Variants in SAMD4A observed in about 807,000 individuals in gnomAD.
SAMD4A encodes the protein sterile alpha motif domain containing 4A.
SAMD4A carries 33 observed loss-of-function variants against 81.3 expected under a neutral mutation model. The ratio of observed to expected loss-of-function variants is 0.41; its 90% confidence interval spans 0.31 to 0.54. The LOEUF (loss-of-function observed/expected upper bound fraction) is 0.54, where lower values mean the gene tolerates loss of function less well. Among genes scored for constraint, SAMD4A ranks in the 20% least tolerant of loss-of-function variants. The pLI, the probability that SAMD4A is intolerant of heterozygous loss-of-function variation, is 0.37. For missense variants in SAMD4A, 854 were observed against 951.1 expected (o/e 0.90, Z 1.34); for synonymous variants, 389 against 382.1 (o/e 1.02, Z -0.21).
At chr14:54,682,023 G>T in intron 2 of SAMD4A, 1 of 985,312 alleles carries the variant, frequency 1.0e-6, no homozygotes, top group Non-Finnish European at 1.2e-6. Flanking sequence ...GCCTTACAGA[G>T]TGTTAAGGAT....
At chr14:54,619,649 C>A (rs914328713) in intron 2 of SAMD4A, among the ~76,000 whole-genome samples, 1 of 152,140 alleles carries the variant, frequency 6.6e-6, no homozygotes, top group African/African-American at 2.4e-5. Flanking sequence ...CCCACCCTCT[C>A]CACTCTGATA....
At chr14:54,582,701 A>G (rs937205437) in intron 2 of SAMD4A, among the ~76,000 whole-genome samples, 12 of 152,310 alleles carry the variant, frequency 7.9e-5, no homozygotes, top group African/African-American at 2.9e-4. Flanking sequence ...AATGTAGTCT[A>G]TGTATTAGGG....
At chr14:54,629,251 C>T (rs771944647) in intron 2 of SAMD4A, among the ~76,000 whole-genome samples, 7 of 152,142 alleles carry the variant, frequency 4.6e-5, no homozygotes, top group South Asian at 2.1e-4. Flanking sequence ...GAAGAGGCAA[C>T]GACAGATTCT....
intron 2 of SAMD4A, among the ~76,000 whole-genome samples, chr14:54,595,506 A>G (rs900279286): frequency 2.0e-5 from 3 of 151,194 alleles, no homozygotes; most frequent in Non-Finnish European, 4.4e-5. Context: ...AAAAAAATCT[A>G]GTAAGGCAGA....
chr14:54,775,573 G>A (rs2038821868), intron 10 of SAMD4A, among the ~76,000 whole-genome samples: 1 of 152,096 alleles, frequency 6.6e-6, no homozygotes, highest in African/African-American at 2.4e-5. Flanking sequence ...TGTGCCAGGG[G>A]GAGAGTTAAC....
At chr14:54,767,279 A>G (rs967147599) in intron 8 of SAMD4A, among the ~76,000 whole-genome samples, 1 of 152,108 alleles carries the variant, frequency 6.6e-6, no homozygotes, top group African/African-American at 2.4e-5. Flanking sequence ...GAGAGACAGG[A>G]CGCCCCTTCA....
intron 2 of SAMD4A, among the ~76,000 whole-genome samples, chr14:54,631,186 T>TTTCTG (rs2034896739): frequency 6.6e-6 from 1 of 152,258 alleles, no homozygotes; most frequent in East Asian, 1.9e-4. Flanking sequence ...AGGATCAGCC[T>TTTCTG]TTCTGTTCTG....
At chr14:54,575,406 C>T (rs1240882332) in intron 2 of SAMD4A, among the ~76,000 whole-genome samples, 1 of 152,168 alleles carries the variant, frequency 6.6e-6, no homozygotes, top group Non-Finnish European at 1.5e-5. Context: ...ATCTTTTGCC[C>T]ACTGAACTTG....
At chr14:54,688,108 T>G (rs2036325390) in intron 2 of SAMD4A, 1 of 985,532 alleles carries the variant, frequency 1.0e-6, no homozygotes. Context: ...TAACACCTGG[T>G]TCAACTGTAA....
intron 3 of SAMD4A, among the ~76,000 whole-genome samples, chr14:54,721,046 G>A (rs776568016): frequency 3.3e-5 from 5 of 152,158 alleles, no homozygotes; most frequent in East Asian, 3.8e-4. Context: ...GTCCTCGTGA[G>A]TTTGTGCCTT....
intron 2 of SAMD4A, among the ~76,000 whole-genome samples, chr14:54,595,490 C>T (rs1304491880): frequency 3.3e-5 from 5 of 149,398 alleles, no homozygotes; most frequent in Non-Finnish European, 7.4e-5. Context: ...AATGATTAAA[C>T]GAACTAAAAA....
chr14:54,738,295 C>T (rs1327783305), intron 4 of SAMD4A, among the ~76,000 whole-genome samples: 6 of 152,190 alleles, frequency 3.9e-5, no homozygotes, highest in African/African-American at 1.4e-4. Flanking sequence ...AAGCCTGGCA[C>T]AGAAAGCATG....
intron 3 of SAMD4A, chr14:54,734,850 T>C (rs971491699): frequency 2.6e-5 from 4 of 152,234 alleles, no homozygotes; most frequent in African/African-American, 9.6e-5. Context: ...ACCTATTCAG[T>C]TATGGCCTCT....
chr14:54,622,127 C>T (rs74055506), intron 2 of SAMD4A, among the ~76,000 whole-genome samples: 4,384 of 152,148 alleles, frequency 0.029, 209 homozygotes, highest in African/African-American at 0.1. Flanking sequence ...GTAGGGACAC[C>T]AGGATAAGTC....
chr14:54,662,432 C>T (rs1185633988), intron 2 of SAMD4A, among the ~76,000 whole-genome samples: 3 of 145,204 alleles, frequency 2.1e-5, no homozygotes, highest in Admixed American at 7.0e-5. Context: ...TTTCCTGAGA[C>T]GGAGTCTTGC....
intron 2 of SAMD4A, among the ~76,000 whole-genome samples, chr14:54,597,296 T>C (rs758719915): frequency 6.6e-6 from 1 of 151,740 alleles, no homozygotes; most frequent in Non-Finnish European, 1.5e-5. Flanking sequence ...TTTTTTGAGA[T>C]GGAGTTTTGC....
chr14:54,612,012 G>A (rs1304210415), intron 2 of SAMD4A, among the ~76,000 whole-genome samples: 1 of 152,054 alleles, frequency 6.6e-6, no homozygotes, highest in Non-Finnish European at 1.5e-5. Flanking sequence ...CACCAGAGCC[G>A]CACAGTTATT....
upstream of SAMD4A, among the ~76,000 whole-genome samples, chr14:54,565,748 C>G (rs1248350295): frequency 6.6e-6 from 1 of 152,012 alleles, no homozygotes; most frequent in Admixed American, 6.5e-5. The surrounding 1 kb of genome is among the most constrained non-coding windows in gnomAD (Gnocchi z 5.4). Flanking sequence ...CCCTTTCTGC[C>G]GGGGCTCCAG....
chr14:54,652,076 T>C (rs1389341531), intron 2 of SAMD4A, among the ~76,000 whole-genome samples: 1 of 152,260 alleles, frequency 6.6e-6, no homozygotes, highest in African/African-American at 2.4e-5. Context: ...TTTGCACTTC[T>C]GCCCTTTATC....
Sources: allele counts gnomAD v4.1 joint callset (sites outside exome capture counted in the v4.1 genomes callset), GRCh38; gene constraint gnomAD v4.1.1; non-coding constraint Gnocchi (gnomAD v3.1); transcripts MANE v1.5; gene names NCBI Gene and HGNC (gene_info 2026-07-23, HGNC 2026-07-21).